The following LINGO2 variants were observed in gnomAD, a reference collection of about 807,000 sequenced individuals.
LINGO2 encodes leucine-rich repeat and immunoglobulin-like domain-containing nogo receptor-interacting protein 2.
LINGO2 carries 14 observed loss-of-function variants against 30.6 expected under a neutral mutation model. The observed-to-expected ratio is 0.46, with a 90% CI of 0.30 to 0.72. The LOEUF (loss-of-function observed/expected upper bound fraction) is 0.72. Among genes scored for constraint, LINGO2 ranks in the 30% least tolerant of loss-of-function variants. LINGO2 has a pLI of 0.07. For synonymous variants in LINGO2, 317 were observed against 288.5 expected (o/e 1.10, Z -1.00); for missense variants, 729 against 751.7 (o/e 0.97, Z 0.35).
At chr9:29,156,729 T>C in the LINGO2 span, among the ~76,000 whole-genome samples, 35 of 152,128 alleles carry the variant, frequency 2.3e-4, 1 homozygote, top group African/African-American at 7.9e-4. Flanking sequence ...GGTCTTTGAG[T>C]ATCAATTTCA....
At chr9:29,147,891 A>G in the LINGO2 span, among the ~76,000 whole-genome samples, 18 of 152,200 alleles carry the variant, frequency 1.2e-4, no homozygotes, top group African/African-American at 4.1e-4. Flanking sequence ...TATTTAATAA[A>G]CCTGATTATC....
chr9:28,889,591 C>A, the LINGO2 span, among the ~76,000 whole-genome samples: 3 of 151,910 alleles, frequency 2.0e-5, no homozygotes, highest in Non-Finnish European at 4.4e-5. Flanking sequence ...TATTAAAAAA[C>A]CTTTGTTTCA....
chr9:28,507,856 G>A (rs920697916), intron 1 of LINGO2, among the ~76,000 whole-genome samples: 2 of 151,948 alleles, frequency 1.3e-5, no homozygotes, highest in Non-Finnish European at 2.9e-5. Flanking sequence ...ACTAGCATAA[G>A]TAGGTTTTGA....
chr9:29,212,072 GGAGAAA>G, the LINGO2 span, among the ~76,000 whole-genome samples: 1 of 152,174 alleles, frequency 6.6e-6, no homozygotes, highest in African/African-American at 2.4e-5. Context: ...GGAGAGTGGA[GGAGAAA>G]GAGGGCATTA....
At position 28,185,018 on chromosome 9, in the gene LINGO2, T is replaced by C. The variant is rs887063030; in HGVS notation, c.-87+110190A>G. On this transcript the variant is annotated intron_variant, in intron 4 of 5. Transcript: ENST00000379992. ...GCAACAAGAAACAGAGCTGGATTTA[T>C]GGGCAGGTGAAGTAGGTGATTGCTT... is the stretch of plus-strand genomic sequence containing the variant. Among the ~76,000 whole-genome samples, 7 of 152,160 alleles carry C rather than the reference T, an allele frequency of 4.6e-5. No individual in the cohort carries two copies. The East Asian group carries it at 1.4e-3, about 29-fold the overall frequency.
At chr9:28,270,050 T>G (rs1217335670) in intron 4 of LINGO2, among the ~76,000 whole-genome samples, 1 of 152,172 alleles carries the variant, frequency 6.6e-6, no homozygotes, top group East Asian at 1.9e-4. Context: ...AATAAAAATC[T>G]GAAATTACTT....
At chr9:28,940,583 T>C in the LINGO2 span, among the ~76,000 whole-genome samples, 3 of 152,194 alleles carry the variant, frequency 2.0e-5, no homozygotes, top group South Asian at 6.2e-4. Context: ...ACATTTGTTT[T>C]ACTTTGGTTC....
chr9:28,531,779 C>T (rs2135430462), intron 1 of LINGO2, among the ~76,000 whole-genome samples: 1 of 150,870 alleles, frequency 6.6e-6, no homozygotes, highest in East Asian at 1.9e-4. Context: ...AAATGGGGGC[C>T]AGTATAAGGG....
chr9:28,210,936 C>T (rs1820568091), intron 4 of LINGO2, among the ~76,000 whole-genome samples: 1 of 151,432 alleles, frequency 6.6e-6, no homozygotes, highest in African/African-American at 2.4e-5. Flanking sequence ...GAACTGAGAT[C>T]CAGCTTAGTG....
intron 3 of LINGO2, among the ~76,000 whole-genome samples, chr9:28,316,182 A>G (rs1188881321): frequency 1.3e-5 from 2 of 152,024 alleles, no homozygotes; most frequent in Non-Finnish European, 2.9e-5. Flanking sequence ...TATAAAAACA[A>G]TTATTAAATA....
the LINGO2 span, among the ~76,000 whole-genome samples, chr9:28,920,273 T>G: frequency 6.6e-6 from 1 of 151,824 alleles, no homozygotes; most frequent in Non-Finnish European, 1.5e-5. Flanking sequence ...ATAATACAGT[T>G]GCATCTTTAT....
intron 5 of LINGO2, among the ~76,000 whole-genome samples, chr9:27,971,976 C>T (rs1404754639): frequency 2.0e-5 from 3 of 152,074 alleles, no homozygotes; most frequent in African/African-American, 4.8e-5. Context: ...CCTTTACTAT[C>T]CTTATAAGAT....
At chr9:28,753,507 C>T in the LINGO2 span, among the ~76,000 whole-genome samples, 5 of 152,100 alleles carry the variant, frequency 3.3e-5, no homozygotes, top group East Asian at 5.8e-4. Flanking sequence ...ATACCTTCCA[C>T]GGCAATTAAG....
chr9:28,932,088 C>T, the LINGO2 span, among the ~76,000 whole-genome samples: 3 of 84,936 alleles, frequency 3.5e-5, no homozygotes. Context: ...GCCTGGGTGA[C>T]AGAGCAAGAC....
At chr9:29,181,696 G>A in the LINGO2 span, among the ~76,000 whole-genome samples, 1 of 152,046 alleles carries the variant, frequency 6.6e-6, no homozygotes, top group Non-Finnish European at 1.5e-5. Flanking sequence ...ACTTAACAAA[G>A]AAATCAAACA....
chr9:28,585,105 C>T (rs866217635), intron 1 of LINGO2, among the ~76,000 whole-genome samples: 19 of 152,052 alleles, frequency 1.2e-4, no homozygotes, highest in Non-Finnish European at 2.5e-4. Context: ...GAAAGAGACA[C>T]GTAATTTAGA....
the LINGO2 span, among the ~76,000 whole-genome samples, chr9:29,003,106 G>A: frequency 6.6e-6 from 1 of 151,946 alleles, no homozygotes; most frequent in Non-Finnish European, 1.5e-5. Flanking sequence ...CACACCAGAC[G>A]CTAAGAGTAA....
chr9:28,096,540 A>G (rs1826246921), intron 4 of LINGO2, among the ~76,000 whole-genome samples: 1 of 152,166 alleles, frequency 6.6e-6, no homozygotes, highest in East Asian at 1.9e-4. Flanking sequence ...CACAGGGTAG[A>G]AAGACAGAAA....
the LINGO2 span, among the ~76,000 whole-genome samples, chr9:29,024,832 ATG>A: frequency 6.6e-6 from 1 of 152,122 alleles, no homozygotes; most frequent in Non-Finnish European, 1.5e-5. Context: ...CTTTGACAAA[ATG>A]TGTGTTTCAA....
Sources: gnomAD v4.1 joint callset for allele counts (sites outside exome capture counted in the v4.1 genomes callset) on GRCh38, gnomAD v4.1.1 for gene constraint, MANE v1.5 for transcripts, NCBI Gene and HGNC (gene_info 2026-07-23, HGNC 2026-07-21) for gene names.